Variants in STX18 observed in about 807,000 individuals in gnomAD.
STX18 encodes the protein syntaxin 18.
STX18 carries 40 observed loss-of-function variants against 50.1 expected under a neutral mutation model. The observed-to-expected ratio is 0.80, with a 90% CI of 0.62 to 1.04. STX18 has a LOEUF of 1.04. Ranked by LOEUF, STX18 falls within the 50% of genes least tolerant of loss-of-function variation. STX18 has a pLI of 0.00. For missense variants in STX18, 410 were observed against 415.8 expected (o/e 0.99, Z 0.12); for synonymous variants, 158 against 151.8 (o/e 1.04, Z -0.30).
intron 7 of STX18, 184 bp from the exon 8 acceptor site, chr4:4,425,406 AGTTTT>A: frequency 4.9e-6 from 3 of 616,748 alleles, no homozygotes; most frequent in Admixed American, 5.5e-5. Context: ...TTCAGGAGAA[AGTTTT>A]AAAAAACAGC....
At chr4:4,442,451 T>C (rs764415342) in intron 5 of STX18, among the ~76,000 whole-genome samples, 5 of 152,132 alleles carry the variant, frequency 3.3e-5, no homozygotes, top group African/African-American at 4.8e-5. Context: ...AGCCTGTCTC[T>C]ACTAAAAATA....
chr4:4,421,899 A>T (rs970179225), intron 9 of STX18, among the ~76,000 whole-genome samples: 1 of 152,166 alleles, frequency 6.6e-6, no homozygotes, highest in Non-Finnish European at 1.5e-5. Flanking sequence ...GAAGCGTGGG[A>T]TAACACAGGG....
rs192556293 is a variant in STX18 at position 4,471,645 on chromosome 4, G to A, written c.230C>T (p.Ala77Val). The part of the protein sequence containing the change: ...LLEHRKDYIN[A>V]YSHTMSEYGR... ...TAAAAAAATATGTACTTACCTATAAGCATTAATATAATCTTTCCTGTGTTC... is the reference window on the plus strand; with the variant it reads ...TAAAAAAATATGTACTTACCTATAAACATTAATATAATCTTTCCTGTGTTC... The change falls in exon 2 of 11, where the codon GCT becomes GTT. Residue 77 changes from alanine (A) to valine (V), a missense_variant. Ala to Val is a moderately conservative substitution (Grantham distance 64, BLOSUM62 0). Transcript: ENST00000306200. 10 of 1,569,502 alleles carry A rather than the reference G, an allele frequency of 6.4e-6. No individual in the cohort carries two copies. In the Admixed American group the frequency reaches 1.9e-4, roughly 30 times the overall value.
chr4:4,500,452 T>C (rs73088218), intron 1 of STX18, among the ~76,000 whole-genome samples: 28 of 152,284 alleles, frequency 1.8e-4, no homozygotes, highest in African/African-American at 6.7e-4. Context: ...TGTATTGGGT[T>C]TTATAAGTAA....
At chr4:4,482,641 C>T (rs1452124941) in intron 1 of STX18, among the ~76,000 whole-genome samples, 5 of 152,240 alleles carry the variant, frequency 3.3e-5, no homozygotes, top group African/African-American at 1.2e-4. Context: ...CGTGCCAGAC[C>T]ACAGAGCCTT....
chr4:4,484,038 A>ATT (rs1728586089), intron 1 of STX18, among the ~76,000 whole-genome samples: 2 of 151,818 alleles, frequency 1.3e-5, no homozygotes, highest in East Asian at 3.9e-4. Context: ...ATTTTTTTGT[A>ATT]TTTTTAGTAG....
intron 1 of STX18, among the ~76,000 whole-genome samples, chr4:4,505,177 C>G (rs776172104): frequency 6.6e-6 from 1 of 152,116 alleles, no homozygotes; most frequent in Non-Finnish European, 1.5e-5. Flanking sequence ...CTTCACTTAC[C>G]GTGGGGTTAT....
intron 5 of STX18, among the ~76,000 whole-genome samples, chr4:4,452,981 G>A (rs1390899867): frequency 6.6e-6 from 1 of 152,224 alleles, no homozygotes; most frequent in South Asian, 2.1e-4. Context: ...AAGATTGGAA[G>A]TGGAGACTGA....
intron 5 of STX18, among the ~76,000 whole-genome samples, chr4:4,442,848 G>GA (rs1465279685): frequency 7.5e-6 from 1 of 134,104 alleles, no homozygotes; most frequent in Non-Finnish European, 1.6e-5. Flanking sequence ...AGCAGACAGA[G>GA]AAAAAGACCA....
intron 5 of STX18, 126 bp from the exon 6 acceptor site, chr4:4,438,635 C>A: frequency 1.4e-6 from 1 of 702,704 alleles, no homozygotes; most frequent in Non-Finnish European, 2.4e-6. Context: ...GCAGTCACTG[C>A]CTCTGGGCCC....
chr4:4,473,138 T>C (rs1728006764), intron 1 of STX18, among the ~76,000 whole-genome samples: 1 of 152,168 alleles, frequency 6.6e-6, no homozygotes, highest in Non-Finnish European at 1.5e-5. Context: ...AAAAGCTAAG[T>C]GACTTGTCCA....
chr4:4,490,418 A>G (rs1320886752), intron 1 of STX18, among the ~76,000 whole-genome samples: 3 of 152,224 alleles, frequency 2.0e-5, no homozygotes, highest in Non-Finnish European at 4.4e-5. Flanking sequence ...TCTCATAACA[A>G]TGAGATTTAA....
intron 1 of STX18, among the ~76,000 whole-genome samples, chr4:4,510,733 G>A (rs1729961445): frequency 6.6e-6 from 1 of 152,114 alleles, no homozygotes; most frequent in Non-Finnish European, 1.5e-5. Flanking sequence ...ATTTACAATG[G>A]CAAAGACATG....
At chr4:4,502,164 C>G (rs1381457090) in intron 1 of STX18, among the ~76,000 whole-genome samples, 1 of 152,050 alleles carries the variant, frequency 6.6e-6, no homozygotes, top group Non-Finnish European at 1.5e-5. Flanking sequence ...CCAGATACCT[C>G]GAAAGCACTA....
chr4:4,529,176 A>T (rs983673699), intron 1 of STX18, among the ~76,000 whole-genome samples: 67 of 152,300 alleles, frequency 4.4e-4, no homozygotes, highest in African/African-American at 1.6e-3. Context: ...ATCCTGGCTA[A>T]CACGGTGAAA....
intron 1 of STX18, among the ~76,000 whole-genome samples, chr4:4,494,715 G>C (rs1729093656): frequency 6.6e-6 from 1 of 152,160 alleles, no homozygotes; most frequent in Non-Finnish European, 1.5e-5. Flanking sequence ...AAAATGCTTT[G>C]CGCAGGTTAC....
At chr4:4,452,554 G>GC (rs1726814001) in intron 5 of STX18, among the ~76,000 whole-genome samples, 1 of 152,134 alleles carries the variant, frequency 6.6e-6, no homozygotes, top group Non-Finnish European at 1.5e-5. Flanking sequence ...CAAAAATCTT[G>GC]GGCATGGTGG....
At chr4:4,435,060 C>A (rs1006864515) in intron 6 of STX18, among the ~76,000 whole-genome samples, 1 of 152,112 alleles carries the variant, frequency 6.6e-6, no homozygotes, top group East Asian at 1.9e-4. Flanking sequence ...TTTGTGCAGG[C>A]ACGTGCATGT....
At chr4:4,526,573 T>G (rs1282647950) in intron 1 of STX18, among the ~76,000 whole-genome samples, 2 of 152,226 alleles carry the variant, frequency 1.3e-5, no homozygotes, top group African/African-American at 4.8e-5. Context: ...CGACTTCATG[T>G]GCACCATGGA....
Sources: allele counts gnomAD v4.1 joint callset (sites outside exome capture counted in the v4.1 genomes callset), GRCh38; gene constraint gnomAD v4.1.1; transcripts MANE v1.5; gene names NCBI Gene and HGNC (gene_info 2026-07-23, HGNC 2026-07-21).